ATP1B2: variants seen among roughly 807,000 people sequenced by gnomAD.
ATP1B2 encodes ATPase Na+/K+ transporting subunit beta 2, also known as sodium/potassium-transporting ATPase subunit beta-2.
In ATP1B2, 12 loss-of-function variants were observed where a neutral mutation model predicts 37.3. The ratio of observed to expected loss-of-function variants is 0.32; its 90% CI spans 0.21 to 0.52. The LOEUF (loss-of-function observed/expected upper bound fraction) is 0.52, where lower values mean the gene tolerates loss of function less well. ATP1B2 is among the 20% of genes least tolerant of loss of function. ATP1B2 has a pLI of 0.96. For missense variants in ATP1B2, 324 were observed against 391.6 expected (o/e 0.83, Z 1.46); for synonymous variants, 139 against 140.5 (o/e 0.99, Z 0.07).
intron 1 of ATP1B2, among the ~76,000 whole-genome samples, chr17:7,651,899 C>CGG (rs1555521980): frequency 4.6e-5 from 7 of 152,028 alleles, no homozygotes; most frequent in African/African-American, 1.7e-4. Flanking sequence ...CGTGTCCGCG[C>CGG]CGGCGCTCAC....
In ATP1B2 at chr17:7,654,100, G is replaced by T; in HGVS notation, c.395G>T (p.Gly132Val). 6.2e-7 allele frequency: 1 copy of T among 1,614,154 alleles called. No individual in the cohort carries two copies. The highest frequency in any genetic ancestry group is 1.1e-5 in the South Asian group (1 of 91,080). Reference protein sequence around the residue: ...QAQKNDVCRPGRYYEQPDNGV... With the variant: ...QAQKNDVCRPVRYYEQPDNGV... Reference sequence around the variant, plus strand: ...CAAAAGAATGATGTCTGCCGCCCTGGACGCTATTACGAACAGCCAGATAAT... The same window carrying T: ...CAAAAGAATGATGTCTGCCGCCCTGTACGCTATTACGAACAGCCAGATAAT... The change falls in exon 4 of 7, where the codon GGA becomes GTA. Residue 132 changes from glycine to valine, a missense_variant. Coordinates refer to ENST00000250111, the MANE Select transcript of ATP1B2 (RefSeq NM_001678.5). The surrounding 1 kb of genome is among the most constrained non-coding windows in gnomAD (Gnocchi z 4.9).
chr17:7,652,948 A>C (rs1476869636), intron 1 of ATP1B2, among the ~76,000 whole-genome samples: 1 of 152,180 alleles, frequency 6.6e-6, no homozygotes, highest in Non-Finnish European at 1.5e-5. Context: ...CTGAGGGTCC[A>C]GTCTCTGCGG....
Position 7,655,390 on chromosome 17 carries a change from A to T in ATP1B2, c.610-137A>T. On this transcript the variant is annotated intron_variant, in intron 5 of 6. Coordinates refer to ENST00000250111, the MANE Select transcript of ATP1B2 (RefSeq NM_001678.5). The surrounding 1 kb of genome is among the most constrained non-coding windows in gnomAD (Gnocchi z 4.4). ...CATGCAGACACACACACACAGACTC[A>T]CAGCTCCAGGGAGGCAGACTTGAGA... 3 of 769,148 alleles carry T rather than the reference A, an allele frequency of 3.9e-6. No individual in the cohort carries two copies. Among genetic ancestry groups the T allele is most frequent in the Non-Finnish European group, 6.4e-6 (3 of 466,282 alleles). The allele number at this position is 769,148 out of a possible 1,614,324, so 47.6% of individuals were successfully genotyped here.
chr17:7,646,839 T>A (rs1641520), upstream of ATP1B2: 114,573 of 151,684 alleles, frequency 0.76, 45,112 homozygotes, highest in Middle Eastern at 0.9. Context: ...GCACTTTGAG[T>A]GACCCAGGCG....
In ATP1B2 at chr17:7,654,716, C is replaced by A. The variant is rs1196547939; in HGVS notation, c.609+32C>A. The A allele has an allele frequency of 6.2e-7, 1 of 1,607,974 alleles. No homozygotes were observed. The highest frequency in any genetic ancestry group is 1.7e-5 in the Admixed American group (1 of 60,002). ...TCGTTGGGCCTTGTCTGCCTGCTCA[C>A]CTGAGTGGCTCACCTGAGTGTCCTT... On this transcript the variant is annotated intron_variant, in intron 5 of 6. Coordinates refer to ENST00000250111, the MANE Select transcript of ATP1B2 (RefSeq NM_001678.5). This position sits in a 1 kb window ranked among gnomAD's most constrained non-coding sequence, Gnocchi z 4.9.
In ATP1B2 at chr17:7,651,420, C is replaced by T. The variant is rs2072611396; in HGVS notation, c.-99C>T. 2 of 1,123,168 alleles carry T rather than the reference C, an allele frequency of 1.8e-6. No individual in the cohort carries two copies. Among genetic ancestry groups the T allele is most frequent in the Admixed American group, 2.1e-5 (1 of 48,638 alleles). The allele number at this position is 1,123,168 out of a possible 1,614,324, so 69.6% of individuals were successfully genotyped here. ...GTCTCCTTTGCCCGCGCCGCCTTCG[C>T]TCCCCGTGCTTTTGGGTGTGTGGAG... On this transcript the variant is annotated 5_prime_UTR_variant, in exon 1 of 7. Coordinates refer to ENST00000250111, the MANE Select transcript of ATP1B2 (RefSeq NM_001678.5).
intron 1 of ATP1B2, 96 bp downstream of exon 1, chr17:7,651,726 G>A (rs2072614589): frequency 9.2e-7 from 1 of 1,090,888 alleles, no homozygotes; most frequent in African/African-American, 1.7e-5. Flanking sequence ...TCCCCTCCCG[G>A]GTCCCCGGCG....
In ATP1B2 at chr17:7,657,214, C is replaced by T. The variant is rs1442861864; in HGVS notation, c.*1319C>T. On this transcript the variant is annotated 3_prime_UTR_variant, in exon 7 of 7. Coordinates refer to ENST00000250111, the MANE Select transcript of ATP1B2 (RefSeq NM_001678.5). ...TCGGCTGGCTTTGGGACTATTCCAC[C>T]TCCTTCCCCTGAGCCCAGATCTGCC... is the stretch of plus-strand genomic sequence containing the variant. 1 of 152,100 alleles carries T rather than the reference C, an allele frequency of 6.6e-6. No homozygotes were observed. The highest frequency in any genetic ancestry group is 1.9e-4 in the East Asian group (1 of 5,184). 9.4% of individuals were successfully genotyped at this position (152,100 alleles called of 1,614,324 possible).
intron 1 of ATP1B2, 137 bp from the exon 2 acceptor site, chr17:7,653,237 G>A (rs2072625072): frequency 7.5e-7 from 1 of 1,325,200 alleles, no homozygotes; most frequent in South Asian, 1.4e-5. Context: ...TGCCTCCAGA[G>A]GAAGGCTCTA....
At chr17:7,652,636 C>T (rs2072621712) in intron 1 of ATP1B2, among the ~76,000 whole-genome samples, 1 of 152,114 alleles carries the variant, frequency 6.6e-6, no homozygotes, top group Non-Finnish European at 1.5e-5. Flanking sequence ...GAAGAAGTGT[C>T]CTCTGAGATG....
chr17:7,654,140 C>T lies in ATP1B2; in HGVS notation c.435C>T (p.Tyr145=). Residue 145 remains tyrosine, a synonymous_variant, in exon 4 of 7, where the codon TAC becomes TAT. Transcript: ENST00000250111. This position sits in a 1 kb window ranked among gnomAD's most constrained non-coding sequence, Gnocchi z 4.9. The stretch of plus-strand genomic sequence containing the variant: ...AGCCAGATAATGGAGTCCTCAACTA[C>T]CCCAAACGTGCCTGCCAATTCAACC... ...YEQPDNGVLN[Y]PKRACQFNRT... is the part of the protein sequence containing the mutation. The T allele has an allele frequency of 6.2e-7, 1 of 1,614,214 alleles. No individual in the cohort carries two copies. Among genetic ancestry groups the T allele is most frequent in the Non-Finnish European group, 8.5e-7 (1 of 1,180,046 alleles).
At chr17:7,651,699 G>T (rs1475470745) in intron 1 of ATP1B2, 69 bp downstream of exon 1, 100 of 1,374,970 alleles carry the variant, frequency 7.3e-5, no homozygotes, top group Non-Finnish European at 8.9e-5. Flanking sequence ...GCAGGGTCCC[G>T]CCGACGCGGC....
At chr17:7,651,718 C>T in intron 1 of ATP1B2, 88 bp downstream of exon 1, 2 of 1,183,276 alleles carry the variant, frequency 1.7e-6, no homozygotes, top group Non-Finnish European at 2.3e-6. Context: ...GCCCCAGCTC[C>T]CCTCCCGGGT....
chr17:7,654,894 G>A lies in ATP1B2; in HGVS notation c.609+210G>A. On this transcript the variant is annotated intron_variant, in intron 5 of 6. Transcript: ENST00000250111. The surrounding 1 kb of genome is among the most constrained non-coding windows in gnomAD (Gnocchi z 4.9). ...CACTCCTCTTGCTTCTCTCTGGGAT[G>A]CAGAGGCCTGCTCTCCTAGGGGCCA... is the stretch of plus-strand genomic sequence containing the variant. The A allele has an allele frequency of 1.7e-6, 1 of 573,604 alleles. No individual in the cohort carries two copies. The highest frequency in any genetic ancestry group is 3.1e-6 in the Non-Finnish European group (1 of 322,044). The allele number at this position is 573,604 out of a possible 1,614,324, so 35.5% of individuals were successfully genotyped here.
At position 7,651,546 on chromosome 17, in the gene ATP1B2, T is replaced by A; in HGVS notation, c.28T>A (p.Cys10Ser). The A allele has an allele frequency of 6.2e-7, 1 of 1,606,054 alleles. No individual in the cohort carries two copies. Among genetic ancestry groups the A allele is most frequent in the Non-Finnish European group, 8.5e-7 (1 of 1,176,460 alleles). Residue 10 changes from cysteine to serine, a missense_variant, in exon 1 of 7, where the codon TGC (cysteine) becomes AGC (serine). Physicochemically the swap from Cys to Ser is moderately radical, Grantham distance 112 (BLOSUM62 -1). Transcript: ENST00000250111. MVIQKEKKS[C>S]GQVVEEWKEF... ...GGTCATCCAGAAAGAGAAGAAGAGC[T>A]GCGGGCAGGTGGTTGAGGAGTGGAA... is the stretch of plus-strand genomic sequence containing the variant.
chr17:7,653,330 G>T (rs951289943), intron 1 of ATP1B2, 44 bp from the exon 2 acceptor site: 1 of 1,612,408 alleles, frequency 6.2e-7, no homozygotes, highest in Non-Finnish European at 8.5e-7. Flanking sequence ...TTGAGGTTAT[G>T]GTGGGAACCT....
At chr17:7,647,291 A>G (rs1039487540), upstream of ATP1B2, among the ~76,000 whole-genome samples, 3 of 152,058 alleles carry the variant, frequency 2.0e-5, no homozygotes, top group African/African-American at 7.2e-5. Context: ...GCTGGCAACA[A>G]TGACATAGAA....
rs1352285645 is a variant in ATP1B2, at chr17:7,654,766, T to C, written c.609+82T>C. On this transcript the variant is annotated intron_variant, in intron 5 of 6. Transcript: ENST00000250111. The surrounding 1 kb of genome is among the most constrained non-coding windows in gnomAD (Gnocchi z 4.9). ...TCATGGTTTCTGTGTAATTCACCTGTCTCTCCCTATCTTCTTTGCTCCTAG... is the reference window on the plus strand; with the variant it reads ...TCATGGTTTCTGTGTAATTCACCTGCCTCTCCCTATCTTCTTTGCTCCTAG... 6.7e-7 allele frequency: 1 copy of C among 1,489,632 alleles called. No homozygotes were observed. Among genetic ancestry groups the C allele is most frequent in the Admixed American group, 1.7e-5 (1 of 59,434 alleles). 92.3% of individuals were successfully genotyped at this position (1,489,632 alleles called of 1,614,324 possible). A position where few individuals can be genotyped will look rare whatever the true frequency, so the allele number is the denominator to read the frequency against.
At position 7,651,629 on chromosome 17, in the gene ATP1B2, G is replaced by C; in HGVS notation, c.111G>C (p.Trp37Cys). The part of the protein sequence containing the change: ...HQFMGRTGTS[W>C]AFILLFYLVF... The stretch of plus-strand genomic sequence containing the variant: ...TTATGGGCCGCACCGGGACCAGCTG[G>C]GGTACGCAGGGCCGGCACGCAAGGG... Residue 37 changes from tryptophan (W) to cysteine (C), a missense_variant and splice_region_variant, in exon 1 of 7, where the codon TGG becomes TGC. Physicochemically the swap from Trp to Cys is radical, Grantham distance 215. Transcript: ENST00000250111. The C allele has an allele frequency of 1.3e-6, 2 of 1,594,106 alleles. No homozygotes were observed. Among genetic ancestry groups the C allele is most frequent in the South Asian group, 2.3e-5 (2 of 88,480 alleles).
Sources: allele counts gnomAD v4.1 joint callset (sites outside exome capture counted in the v4.1 genomes callset), GRCh38; gene constraint gnomAD v4.1.1; non-coding constraint Gnocchi (gnomAD v3.1); transcripts MANE v1.5; gene names NCBI Gene and HGNC (gene_info 2026-07-23, HGNC 2026-07-21).